Variants in MGST1 observed in about 807,000 individuals in gnomAD.
MGST1 encodes the protein microsomal glutathione S-transferase 1.
A neutral mutation model predicts 8.9 loss-of-function variants in MGST1; 5 were observed. That is an observed-to-expected ratio of 0.56 (90% confidence interval 0.29 to 1.19). The LOEUF (loss-of-function observed/expected upper bound fraction) is 1.19. Among genes scored for constraint, MGST1 ranks in the 50% most tolerant of loss-of-function variants. The pLI is 0.08. For missense variants in MGST1, 182 were observed against 187.4 expected (o/e 0.97, Z 0.17); for synonymous variants, 54 against 67.8 (o/e 0.80, Z 1.00).
chr12:16,518,500 CCT>C (rs1178114950), intron 4 of MGST1, among the ~76,000 whole-genome samples: 1 of 152,006 alleles, frequency 6.6e-6, no homozygotes, highest in Non-Finnish European at 1.5e-5. Context: ...TTATTTGTTC[CCT>C]CTTTTTTAAA....
intron 1 of MGST1, among the ~76,000 whole-genome samples, chr12:16,432,880 G>A (rs1165322118): frequency 6.6e-6 from 1 of 151,990 alleles, no homozygotes; most frequent in Non-Finnish European, 1.5e-5. Flanking sequence ...CTTGGCAAGT[G>A]GGAATTTCAG....
At chr12:16,443,227 G>A (rs1941052497), downstream of MGST1, among the ~76,000 whole-genome samples, 1 of 151,524 alleles carries the variant, frequency 6.6e-6, no homozygotes, top group African/African-American at 2.4e-5. Context: ...GTTATTTTCA[G>A]ATTACCTTAT....
In MGST1 at chr12:16,408,621, A is replaced by C. The variant is rs937406177; in HGVS notation, n.778+25017A>C. Among the ~76,000 whole-genome samples, 16 of 152,220 alleles carry C rather than the reference A, an allele frequency of 1.1e-4. No homozygotes were observed. In the East Asian group the frequency reaches 2.5e-3, roughly 24 times the overall value. On this transcript the variant is annotated intron_variant and non_coding_transcript_variant, in intron 1 of 1. Coordinates refer to the MGST1 transcript ENST00000359720. ...ATTTTATATTTTGCAGTTTCACTGG[A>C]AATTTTTATCCTATTTTACATTTGT...
intron 1 of MGST1, among the ~76,000 whole-genome samples, chr12:16,412,826 A>G (rs10772933): frequency 0.32 from 48,559 of 152,094 alleles, 7,796 homozygotes; most frequent in East Asian, 0.43. Flanking sequence ...TAGATTACCC[A>G]GTCTCAAGTA....
intron 4 of MGST1, among the ~76,000 whole-genome samples, chr12:16,487,679 G>T (rs1941408835): frequency 6.6e-6 from 1 of 152,040 alleles, no homozygotes; most frequent in Non-Finnish European, 1.5e-5. Context: ...ACAGAATCTT[G>T]CTCTGTTGCC....
intron 1 of MGST1, among the ~76,000 whole-genome samples, chr12:16,418,455 A>T (rs1940804595): frequency 6.6e-6 from 1 of 152,210 alleles, no homozygotes; most frequent in Non-Finnish European, 1.5e-5. Flanking sequence ...CACATATATC[A>T]GCAGAAGATT....
intron 1 of MGST1, among the ~76,000 whole-genome samples, chr12:16,415,247 A>T (rs143913369): frequency 1.3e-5 from 2 of 152,194 alleles, no homozygotes; most frequent in African/African-American, 2.4e-5. Context: ...GCTCAGTAAC[A>T]TTAGCAGTTT....
intron 1 of MGST1, among the ~76,000 whole-genome samples, chr12:16,394,925 G>GT (rs1302064906): frequency 2.0e-5 from 3 of 151,752 alleles, no homozygotes; most frequent in Non-Finnish European, 4.4e-5. Context: ...TGGATTCATA[G>GT]TTTTTTTTAT....
At chr12:16,475,368 G>GC (rs1419259866) in intron 4 of MGST1, among the ~76,000 whole-genome samples, 2 of 152,044 alleles carry the variant, frequency 1.3e-5, no homozygotes, top group Non-Finnish European at 2.9e-5. Flanking sequence ...AAATGCAAGT[G>GC]CTGGAGTCTC....
In MGST1 at chr12:16,584,995, A is replaced by G. The variant is rs1943273351; in HGVS notation, n.483-4533A>G. ...TTACATACTAGTAGCTGTGTGCCAC[A>G]TTAGAGTTAGTTGCCAATGTCTTAT... On this transcript the variant is annotated intron_variant and non_coding_transcript_variant, in intron 4 of 4. Transcript: ENST00000538857. The surrounding 1 kb of genome is among the most constrained non-coding windows in gnomAD (Gnocchi z 5.2). Among the ~76,000 whole-genome samples the G allele has an allele frequency of 6.6e-6, 1 of 152,230 alleles. No individual in the cohort carries two copies. The highest frequency in any genetic ancestry group is 1.5e-5 in the Non-Finnish European group (1 of 68,042).
At chr12:16,540,296 A>C (rs928971413) in intron 4 of MGST1, among the ~76,000 whole-genome samples, 1 of 152,078 alleles carries the variant, frequency 6.6e-6, no homozygotes, top group Non-Finnish European at 1.5e-5. Flanking sequence ...TTTTAGAGCC[A>C]GGGTCTTGCT....
chr12:16,430,263 C>A (rs183371942), intron 1 of MGST1, among the ~76,000 whole-genome samples: 24 of 152,284 alleles, frequency 1.6e-4, no homozygotes, highest in African/African-American at 4.8e-4. Flanking sequence ...TCAAACTCAT[C>A]CATGAGGTTT....
chr12:16,392,247 T>C (rs890338450), intron 1 of MGST1, among the ~76,000 whole-genome samples: 2 of 152,188 alleles, frequency 1.3e-5, no homozygotes, highest in African/African-American at 4.8e-5. Flanking sequence ...TTTGCGTATT[T>C]GCATTGCGTC....
chr12:16,551,351 A>T (rs367723211), intron 4 of MGST1: 3 of 1,387,116 alleles, frequency 2.2e-6, no homozygotes, highest in Non-Finnish European at 3.1e-6. Flanking sequence ...AAACAATAAA[A>T]TGTGGTTAAG....
intron 1 of MGST1, among the ~76,000 whole-genome samples, chr12:16,417,615 C>T (rs1940798623): frequency 6.6e-6 from 1 of 152,118 alleles, no homozygotes; most frequent in South Asian, 2.1e-4. Context: ...ATTTAGTACT[C>T]TTTCTAGAAG....
At chr12:16,509,144 C>A (rs1430346153) in intron 4 of MGST1, among the ~76,000 whole-genome samples, 1 of 151,934 alleles carries the variant, frequency 6.6e-6, no homozygotes, top group Non-Finnish European at 1.5e-5. Flanking sequence ...TGTTGATTAA[C>A]CCTTTAGCAT....
intron 4 of MGST1, among the ~76,000 whole-genome samples, chr12:16,449,981 T>C (rs1941116180): frequency 6.6e-6 from 1 of 151,888 alleles, no homozygotes; most frequent in Non-Finnish European, 1.5e-5. Flanking sequence ...GCTACCAATA[T>C]GCAAATAATT....
At position 16,490,091 on chromosome 12, in the gene MGST1, A is replaced by T. The variant is rs1011354790; in HGVS notation, n.483-99437A>T. Among the ~76,000 whole-genome samples, 22 of 152,020 alleles carry T rather than the reference A, an allele frequency of 1.4e-4. No homozygotes were observed. In the East Asian group the frequency reaches 4.1e-3, roughly 28 times the overall value. Reference sequence around the variant, plus strand: ...AGCCTGGGCAAAGTAGTGAGACCCTATCTTTACAAAAGAAAAAAAAAAGTA... The same window carrying T: ...AGCCTGGGCAAAGTAGTGAGACCCTTTCTTTACAAAAGAAAAAAAAAAGTA... On this transcript the variant is annotated intron_variant and non_coding_transcript_variant, in intron 4 of 4. Transcript: ENST00000538857.
intron 4 of MGST1, among the ~76,000 whole-genome samples, chr12:16,519,643 T>A (rs1171491746): frequency 1.3e-3 from 1 of 794 alleles, no homozygotes; most frequent in Non-Finnish European, 0.018. Flanking sequence ...ACAAATAGAC[T>A]ACATTTTTTT....
Sources: allele counts gnomAD v4.1 joint callset (sites outside exome capture counted in the v4.1 genomes callset), GRCh38; gene constraint gnomAD v4.1.1; non-coding constraint Gnocchi (gnomAD v3.1); transcripts MANE v1.5; gene names NCBI Gene and HGNC (gene_info 2026-07-23, HGNC 2026-07-21).